The following CCDC117 variants were observed in gnomAD, a reference collection of about 807,000 sequenced individuals.
CCDC117 encodes coiled-coil domain containing 117.
A neutral mutation model predicts 23.5 loss-of-function variants in CCDC117; 1 was observed. The ratio of observed to expected loss-of-function variants is 0.04; its 90% confidence interval spans 0.02 to 0.20. CCDC117 has a LOEUF of 0.20. Ranked by LOEUF, CCDC117 falls within the 10% of genes least tolerant of loss-of-function variation. CCDC117 has a pLI of 1.00. For synonymous variants in CCDC117, 132 were observed against 124.8 expected (o/e 1.06, Z -0.39); for missense variants, 383 against 348.2 (o/e 1.10, Z -0.80).
At chr22:28,776,435 T>C (rs2031163013) in intron 2 of CCDC117, among the ~76,000 whole-genome samples, 1 of 152,018 alleles carries the variant, frequency 6.6e-6, no homozygotes, top group East Asian at 1.9e-4. Context: ...TTTCTTTTTT[T>C]TTTTTTCCCT....
intron 3 of CCDC117, among the ~76,000 whole-genome samples, chr22:28,783,134 C>T (rs1442213846): frequency 3.3e-5 from 5 of 152,194 alleles, no homozygotes; most frequent in South Asian, 2.1e-4. Flanking sequence ...CTCCGCCTCC[C>T]GGGTTCAAGT....
rs1440371001 is a variant in CCDC117, at chr22:28,772,820, C to A, written c.-30C>A. 3 of 1,221,118 alleles carry A rather than the reference C, an allele frequency of 2.5e-6. No homozygotes were observed. Among genetic ancestry groups the A allele is most frequent in the Non-Finnish European group, 3.1e-6 (3 of 980,660 alleles). 75.6% of individuals were successfully genotyped at this position (1,221,118 alleles called of 1,614,324 possible). On this transcript the variant is annotated 5_prime_UTR_variant, in exon 1 of 5. Transcript: ENST00000249064. ...GCCTGGGGACGCGGGCGGCCGAGGC[C>A]GCCGTCGCAGCCTCCTCGTCTCGCC...
chr22:28,775,607 A>G (rs1479099625), intron 2 of CCDC117, among the ~76,000 whole-genome samples: 2 of 151,920 alleles, frequency 1.3e-5, no homozygotes, highest in Non-Finnish European at 2.9e-5. Flanking sequence ...TCTAATAGAA[A>G]AAGAAGTAAG....
At chr22:28,775,519 TC>T (rs2031137432) in intron 2 of CCDC117, among the ~76,000 whole-genome samples, 1 of 152,194 alleles carries the variant, frequency 6.6e-6, no homozygotes, top group Non-Finnish European at 1.5e-5. Flanking sequence ...CCCATTAACA[TC>T]CTCTGAACAC....
chr22:28,781,169 A>G lies in CCDC117; in HGVS notation c.461A>G (p.Asp154Gly), dbSNP rs1464992472. 2 of 1,603,996 alleles carry G rather than the reference A, an allele frequency of 1.2e-6. No homozygotes were observed. Among genetic ancestry groups the G allele is most frequent in the South Asian group, 2.2e-5 (2 of 90,734 alleles). Residue 154 changes from aspartate to glycine, a missense_variant, in exon 3 of 5, where the codon GAC (aspartate) becomes GGC (glycine). By Grantham distance (94) the Asp-to-Gly change is moderately conservative. Coordinates refer to ENST00000249064, the MANE Select transcript of CCDC117 (RefSeq NM_173510.4). ...CGAAGGAAGCTTCAGGAGATTGAGG[A>G]CAGGTAAATGGGCAGTGTATATAGC... ...VARRKLQEIE[D>G]RIIDEDEEVE...
intron 4 of CCDC117, among the ~76,000 whole-genome samples, chr22:28,784,886 C>T (rs915980102): frequency 2.0e-5 from 3 of 151,960 alleles, no homozygotes; most frequent in African/African-American, 7.3e-5. Context: ...TTCTCCTGCT[C>T]AGCCTCCCGA....
intron 2 of CCDC117, among the ~76,000 whole-genome samples, chr22:28,774,853 T>TA (rs1191558344): frequency 6.6e-6 from 1 of 152,226 alleles, no homozygotes. Flanking sequence ...GCTGTGTTTT[T>TA]ACATTTGTAG....
chr22:28,778,240 T>C (rs866014504), intron 2 of CCDC117, among the ~76,000 whole-genome samples: 1 of 152,206 alleles, frequency 6.6e-6, no homozygotes, highest in South Asian at 2.1e-4. Context: ...CTTTTTGCCA[T>C]TGGACACTTT....
Position 28,783,505 on chromosome 22 carries a change from T to G in CCDC117, c.465-3T>G, listed in dbSNP as rs1483664888. 2.5e-6 allele frequency: 4 copies of G among 1,611,650 alleles called. No homozygotes were observed. The highest frequency in any genetic ancestry group is 3.4e-6 in the Non-Finnish European group (4 of 1,179,320). On this transcript the variant is annotated splice_polypyrimidine_tract_variant and splice_region_variant and intron_variant, in intron 3 of 4. Coordinates refer to ENST00000249064, the MANE Select transcript of CCDC117 (RefSeq NM_173510.4). ...CTTTCTTCTGCTGCCTTAATTGATT[T>G]AGGATAATTGATGAAGATGAAGAAG... is the stretch of plus-strand genomic sequence containing the variant.
At chr22:28,777,692 T>C (rs1328835697) in intron 2 of CCDC117, among the ~76,000 whole-genome samples, 2 of 151,754 alleles carry the variant, frequency 1.3e-5, no homozygotes, top group African/African-American at 2.4e-5. Context: ...ATATTTTTAG[T>C]AGAGATGGGG....
intron 2 of CCDC117, 138 bp downstream of exon 2, chr22:28,773,916 T>A (rs2031079438): frequency 1.4e-6 from 1 of 715,738 alleles, no homozygotes; most frequent in Non-Finnish European, 2.5e-6. Context: ...TGACATTGGT[T>A]GTCTTTTAGA....
In CCDC117 at chr22:28,783,611, G is replaced by C. The variant is rs753597791; in HGVS notation, c.568G>C (p.Asp190His). The change falls in exon 4 of 5, where the codon GAT becomes CAT. Residue 190 changes from aspartate to histidine, a missense_variant. Asp to His is a moderately conservative substitution (Grantham distance 81, BLOSUM62 -1). Transcript: ENST00000249064. The part of the protein sequence containing the change: ...TMKTGLKREF[D>H]EVFTKKMIES... ...GAAAACAGGTTTGAAGAGGGAATTT[G>C]ATGAAGTTTTTACAAAGAAAATGAT... is the stretch of plus-strand genomic sequence containing the variant. The C allele has an allele frequency of 1.2e-5, 19 of 1,613,728 alleles. 1 individual carries two copies. In the Admixed American group the frequency reaches 3.0e-4, roughly 25 times the overall value.
chr22:28,777,671 A>G (rs1266816632), intron 2 of CCDC117, among the ~76,000 whole-genome samples: 1 of 151,500 alleles, frequency 6.6e-6, no homozygotes, highest in African/African-American at 2.4e-5. Flanking sequence ...CTCCAGGCCC[A>G]GCTAATTTTT....
At chr22:28,782,157 C>T (rs984812280) in intron 3 of CCDC117, among the ~76,000 whole-genome samples, 3 of 149,472 alleles carry the variant, frequency 2.0e-5, no homozygotes, top group African/African-American at 7.4e-5. Context: ...AAGCTGGTCA[C>T]GCATTCCTGG....
intron 2 of CCDC117, among the ~76,000 whole-genome samples, chr22:28,779,858 G>A (rs555279263): frequency 1.1e-4 from 16 of 152,280 alleles, no homozygotes; most frequent in Non-Finnish European, 1.5e-4. Flanking sequence ...ACTTGCTGAT[G>A]CCCAGGCAAT....
chr22:28,785,925 A>T (rs1011438605), intron 4 of CCDC117, among the ~76,000 whole-genome samples, 164 bp from the exon 5 acceptor site: 1 of 97,156 alleles, frequency 1.0e-5, no homozygotes, highest in Non-Finnish European at 2.4e-5. Flanking sequence ...CCCATCTCTT[A>T]AAAAAAAAAA....
intron 3 of CCDC117, 80 bp downstream of exon 3, chr22:28,781,252 A>G (rs1001628406): frequency 6.8e-6 from 5 of 734,728 alleles, no homozygotes; most frequent in East Asian, 5.4e-5. Flanking sequence ...TCTGTTTATC[A>G]TTTGGTGATA....
chr22:28,775,380 C>T (rs891930328), intron 2 of CCDC117, among the ~76,000 whole-genome samples: 4 of 152,108 alleles, frequency 2.6e-5, no homozygotes, highest in African/African-American at 9.7e-5. Context: ...TACAATCTAC[C>T]CTGACCATTC....
chr22:28,783,461 G>A, intron 3 of CCDC117, 47 bp from the exon 4 acceptor site: 1 of 1,568,552 alleles, frequency 6.4e-7, no homozygotes, highest in East Asian at 2.2e-5. Context: ...ATATATAATA[G>A]CTTGACTAAA....
Sources: allele counts gnomAD v4.1 joint callset (sites outside exome capture counted in the v4.1 genomes callset), GRCh38; gene constraint gnomAD v4.1.1; transcripts MANE v1.5; gene names NCBI Gene and HGNC (gene_info 2026-07-23, HGNC 2026-07-21).